The following HHAT variants were observed in gnomAD, a reference collection of about 807,000 sequenced individuals.
The protein encoded by HHAT is protein-cysteine N-palmitoyltransferase HHAT.
Under a neutral mutation model 70.8 loss-of-function variants are expected in HHAT, and 47 were observed. The observed-to-expected ratio is 0.66, with a 90% CI of 0.53 to 0.85. The LOEUF (loss-of-function observed/expected upper bound fraction) is 0.85, where lower values mean the gene tolerates loss of function less well. Ranked by LOEUF, HHAT falls within the 40% of genes least tolerant of loss-of-function variation. The pLI, the probability that HHAT is intolerant of heterozygous loss-of-function variation, is 0.00. For synonymous variants in HHAT, 228 were observed against 247.6 expected, an observed-to-expected ratio of 0.92 and a Z score of 0.74; for missense variants, 609 against 604.8, an observed-to-expected ratio of 1.01 and a Z score of -0.07.
At chr1:210,418,400 G>A (rs939988553) in intron 7 of HHAT, 75 bp downstream of exon 7, 18 of 1,269,484 alleles carry the variant, frequency 1.4e-5, no homozygotes, top group Non-Finnish European at 1.9e-5. Flanking sequence ...AGCTGGAGTG[G>A]GGGGTGAGCA....
chr1:210,404,764 T>C, intron 6 of HHAT, 85 bp downstream of exon 6: 2 of 1,118,784 alleles, frequency 1.8e-6, no homozygotes, highest in Non-Finnish European at 2.6e-6. Flanking sequence ...TCTTGAGTCG[T>C]TTTGTTCAGA....
At chr1:210,589,489 A>G (rs977192380) in intron 10 of HHAT, 1 of 152,222 alleles carries the variant, frequency 6.6e-6, no homozygotes, top group Non-Finnish European at 1.5e-5. Flanking sequence ...TCATCCTCAA[A>G]TCTGAGCATT....
chr1:210,366,508 C>T (rs1054625350), intron 3 of HHAT, among the ~76,000 whole-genome samples: 6 of 152,116 alleles, frequency 3.9e-5, no homozygotes, highest in African/African-American at 1.4e-4. Context: ...CCCAGCTACT[C>T]CAGGGACTGA....
chr1:210,408,150 G>A lies in HHAT; in HGVS notation c.684+3471G>A, dbSNP rs528473030. ...TAAATGATTGTGTATAGGTAATGTG[G>A]TTTGACAGGTTAATACTATAAAGTG... is the stretch of plus-strand genomic sequence containing the variant. On this transcript the variant is annotated intron_variant, in intron 6 of 11. Transcript: ENST00000261458. Among the ~76,000 whole-genome samples, 20 of 152,234 alleles carry A rather than the reference G, an allele frequency of 1.3e-4. 1 individual carries two copies. Among genetic ancestry groups the A allele is most frequent in the Middle Eastern group, 3.4e-3 (1 of 294 alleles).
chr1:210,333,127 T>C (rs2085145391), intron 1 of HHAT, among the ~76,000 whole-genome samples: 1 of 152,224 alleles, frequency 6.6e-6, no homozygotes, highest in Admixed American at 6.5e-5. Context: ...TCAACTCACT[T>C]GCCACTATAA....
At chr1:210,567,915 C>T (rs2148725437) in intron 9 of HHAT, among the ~76,000 whole-genome samples, 1 of 152,318 alleles carries the variant, frequency 6.6e-6, no homozygotes, top group African/African-American at 2.4e-5. Context: ...TTTGATCTTC[C>T]TCCCAGTTTC....
At chr1:210,646,623 A>G (rs1298368491) in intron 11 of HHAT, among the ~76,000 whole-genome samples, 1 of 152,256 alleles carries the variant, frequency 6.6e-6, no homozygotes, top group Non-Finnish European at 1.5e-5. Context: ...AAATTTGAAA[A>G]TAACAGAAAT....
chr1:210,506,009 G>C (rs958463276), intron 8 of HHAT, among the ~76,000 whole-genome samples: 1 of 152,170 alleles, frequency 6.6e-6, no homozygotes, highest in Admixed American at 6.5e-5. Flanking sequence ...ACTGGCCATG[G>C]GTTCTGGTCT....
intron 9 of HHAT, among the ~76,000 whole-genome samples, chr1:210,586,376 G>A (rs953220682): frequency 1.3e-5 from 2 of 152,134 alleles, no homozygotes; most frequent in Admixed American, 6.5e-5. Flanking sequence ...GGAGTTTGAG[G>A]TTGTGGTAAG....
intron 4 of HHAT, among the ~76,000 whole-genome samples, chr1:210,391,965 G>A (rs2091488233): frequency 6.6e-6 from 1 of 152,058 alleles, no homozygotes; most frequent in African/African-American, 2.4e-5. Flanking sequence ...CAACTCCTGG[G>A]TTCAAGCAAT....
chr1:210,418,194 G>A lies in HHAT; in HGVS notation c.725G>A (p.Cys242Tyr), dbSNP rs374579980. 16 of 1,614,198 alleles carry A rather than the reference G, an allele frequency of 9.9e-6. No homozygotes were observed. Among genetic ancestry groups the A allele is most frequent in the African/African-American group, 1.3e-5 (1 of 75,064 alleles). The change falls in exon 7 of 12, where the codon TGT becomes TAT. Residue 242 changes from cysteine (C) to tyrosine (Y), a missense_variant. Cys to Tyr is a radical substitution (Grantham distance 194, BLOSUM62 -2). Transcript: ENST00000261458. The part of the protein sequence containing the change: ...QEHDSLKASL[C>Y]VLALGLGRLL... Reference sequence around the variant, plus strand: ...CATGACTCCCTGAAGGCCAGCCTGTGTGTCCTGGCCCTGGGGCTGGGCCGC... The same window carrying A: ...CATGACTCCCTGAAGGCCAGCCTGTATGTCCTGGCCCTGGGGCTGGGCCGC...
At chr1:210,372,047 C>A (rs1306194194) in intron 3 of HHAT, among the ~76,000 whole-genome samples, 2 of 152,160 alleles carry the variant, frequency 1.3e-5, no homozygotes, top group Non-Finnish European at 2.9e-5. Flanking sequence ...CTCTACTCAA[C>A]AAGTTTATAC....
intron 4 of HHAT, among the ~76,000 whole-genome samples, chr1:210,395,337 T>G (rs1263093535): frequency 6.6e-6 from 1 of 152,208 alleles, no homozygotes. Flanking sequence ...GAAGGGGCAT[T>G]GTCTGGCAGT....
chr1:210,336,304 T>TTTTTTTTTTTTTTTTTTTTTTTTTTTTG (rs1377437318), intron 1 of HHAT, among the ~76,000 whole-genome samples: 1 of 144,802 alleles, frequency 6.9e-6, no homozygotes, highest in Non-Finnish European at 1.5e-5. Flanking sequence ...TTTTTTTTTT[T>TTTTTTTTTTTTTTTTTTTTTTTTTTTTG]TTTTTTAGAG....
intron 9 of HHAT, among the ~76,000 whole-genome samples, chr1:210,568,054 G>C (rs950949776): frequency 6.6e-6 from 1 of 152,192 alleles, no homozygotes; most frequent in Non-Finnish European, 1.5e-5. Context: ...AAAGACCAAT[G>C]CCTGATGAGA....
At chr1:210,618,337 GCT>G (rs1268588831) in intron 10 of HHAT, among the ~76,000 whole-genome samples, 6 of 152,128 alleles carry the variant, frequency 3.9e-5, no homozygotes, top group Non-Finnish European at 7.4e-5. Flanking sequence ...CCCCTCATTT[GCT>G]CTCTCTGGTG....
intron 9 of HHAT, among the ~76,000 whole-genome samples, chr1:210,563,125 T>C (rs535679419): frequency 6.6e-6 from 1 of 152,122 alleles, no homozygotes; most frequent in South Asian, 2.1e-4. Context: ...GGCCTCTCCT[T>C]GGTTTTAATG....
At chr1:210,442,027 A>G (rs1037221683) in intron 7 of HHAT, among the ~76,000 whole-genome samples, 1 of 122,664 alleles carries the variant, frequency 8.2e-6, no homozygotes, top group African/African-American at 3.2e-5. Flanking sequence ...CAGTCCCCAG[A>G]GTGTGATATT....
intron 11 of HHAT, chr1:210,631,058 T>C (rs1005301523): frequency 1.5e-5 from 7 of 456,754 alleles, no homozygotes; most frequent in Non-Finnish European, 3.1e-5. Context: ...AGGGCTTTCC[T>C]GTGTTTCTGC....
Sources: gnomAD v4.1 joint callset for allele counts (sites outside exome capture counted in the v4.1 genomes callset) on GRCh38, gnomAD v4.1.1 for gene constraint, MANE v1.5 for transcripts, NCBI Gene and HGNC (gene_info 2026-07-23, HGNC 2026-07-21) for gene names.